Variants in PCDHGB2 observed in about 807,000 individuals in gnomAD.
PCDHGB2 encodes protocadherin gamma subfamily B, 2.
PCDHGB2 carries 55 observed loss-of-function variants against 59.3 expected under a neutral mutation model. The observed-to-expected ratio is 0.93, with a 90% CI of 0.75 to 1.16. The LOEUF (loss-of-function observed/expected upper bound fraction) is 1.16, where lower values mean the gene tolerates loss of function less well. PCDHGB2 is among the 50% of genes most tolerant of loss of function. The probability of loss-of-function intolerance (pLI) is 0.00; values close to 1 mark genes in which losing one functional copy is unlikely to be tolerated. For missense variants in PCDHGB2, 1,228 were observed against 1,198.5 expected (o/e 1.02, Z -0.36); for synonymous variants, 516 against 512.0 (o/e 1.01, Z -0.11).
At chr5:141,428,010 G>A in intron 1 of PCDHGB2, 1 of 1,603,006 alleles carries the variant, frequency 6.2e-7, no homozygotes, top group Non-Finnish European at 8.5e-7. Flanking sequence ...CTTCGATATA[G>A]TGCCACGCGC....
rs368168278 is a variant in PCDHGB2, at chr5:141,419,810, C to T, written c.2421+57254C>T. On this transcript the variant is annotated intron_variant, in intron 1 of 3. Coordinates refer to ENST00000522605, the MANE Select transcript of PCDHGB2 (RefSeq NM_018923.3). ...GCTAGTCGCTGTAAGAGATGGAGGA[C>T]AGCCACCCCTTTCAGCCACTGCCAC... The T allele has an allele frequency of 3.1e-6, 5 of 1,613,946 alleles. No individual in the cohort carries two copies. The Admixed American group carries it at 8.3e-5, about 27-fold the overall frequency.
At chr5:141,462,271 G>C (rs2099036316) in intron 1 of PCDHGB2, among the ~76,000 whole-genome samples, 1 of 152,174 alleles carries the variant, frequency 6.6e-6, no homozygotes, top group African/African-American at 2.4e-5. Context: ...AAAGTGTATT[G>C]TTTAGTCACC....
chr5:141,388,698 G>T (rs752631718), intron 1 of PCDHGB2: 2 of 1,613,886 alleles, frequency 1.2e-6, no homozygotes, highest in Admixed American at 1.7e-5. Context: ...CCAGGATGAG[G>T]GTGTCAATGC....
At chr5:141,366,150 G>A in intron 1 of PCDHGB2, 2 of 1,614,136 alleles carry the variant, frequency 1.2e-6, no homozygotes, top group Non-Finnish European at 1.7e-6. Flanking sequence ...CTGTCCTACC[G>A]CCTGCTTAAG....
intron 2 of PCDHGB2, among the ~76,000 whole-genome samples, chr5:141,501,365 A>G (rs1360125423): frequency 1.3e-5 from 2 of 151,500 alleles, no homozygotes; most frequent in Admixed American, 6.6e-5. Flanking sequence ...AACCATATTC[A>G]TCATCTCTTA....
rs2095194600 is a variant in PCDHGB2 at position 141,408,919 on chromosome 5, C to T, written c.2421+46363C>T. On this transcript the variant is annotated intron_variant, in intron 1 of 3. Transcript: ENST00000522605. The stretch of plus-strand genomic sequence containing the variant: ...CTGTCAAGGATACCAATGATAACCC[C>T]CCGGTTTTCAGCAGAGACGAATATA... 2.5e-6 allele frequency: 4 copies of T among 1,613,346 alleles called. No individual in the cohort carries two copies. The African/African-American group carries it at 4.0e-5, about 16-fold the overall frequency.
intron 1 of PCDHGB2, chr5:141,367,506 C>T (rs957460627): frequency 2.0e-4 from 30 of 151,946 alleles, no homozygotes; most frequent in African/African-American, 7.0e-4. Flanking sequence ...CACTGCACTC[C>T]AGCCTGGGAG....
rs568542355 is a variant in PCDHGB2, at chr5:141,431,678, T to C, written c.2422-63129T>C. 4 of 1,614,084 alleles carry C rather than the reference T, an allele frequency of 2.5e-6. No individual in the cohort carries two copies. Among genetic ancestry groups the C allele is most frequent in the African/African-American group, 2.7e-5 (2 of 75,012 alleles). ...AGGGACAATATCAACAATAGGGGAG[T>C]TGGACCACGAGGAGTCAGGATTCTA... On this transcript the variant is annotated intron_variant, in intron 1 of 3. Transcript: ENST00000522605. The surrounding 1 kb of genome is among the most constrained non-coding windows in gnomAD (Gnocchi z 4.8).
chr5:141,418,928 A>G, intron 1 of PCDHGB2: 1 of 1,613,978 alleles, frequency 6.2e-7, no homozygotes, highest in Non-Finnish European at 8.5e-7. Context: ...TGATCAGATT[A>G]TGGAGGATTC....
rs2099413641 is a variant in PCDHGB2, at chr5:141,477,586, T to C, written c.2422-17221T>C. The C allele has an allele frequency of 1.9e-6, 3 of 1,614,022 alleles. No individual in the cohort carries two copies. The highest frequency in any genetic ancestry group is 2.5e-6 in the Non-Finnish European group (3 of 1,180,036). On this transcript the variant is annotated intron_variant, in intron 1 of 3. Transcript: ENST00000522605. This position sits in a 1 kb window ranked among gnomAD's most constrained non-coding sequence, Gnocchi z 4.9. ...GGGACCCCGACGCCCCGCAGAATGC[T>C]CGGCTTTCTTTCTTTCTCTTGGAGC... is the stretch of plus-strand genomic sequence containing the variant.
At position 141,472,488 on chromosome 5, in the gene PCDHGB2, C is replaced by T. The variant is rs183545662; in HGVS notation, c.2422-22319C>T. 4.0e-3 allele frequency among the ~76,000 whole-genome samples: 607 copies of T among 151,768 alleles called. 6 individuals carry two copies. The highest frequency in any genetic ancestry group is 0.011 in the Admixed American group (174 of 15,254). On this transcript the variant is annotated intron_variant, in intron 1 of 3. Coordinates refer to ENST00000522605, the MANE Select transcript of PCDHGB2 (RefSeq NM_018923.3). Reference sequence around the variant, plus strand: ...CCAGAAGGCAGAGCTTGCAGTGAGACGAGATCGTGCCACTGCACTCCAGCC... The same window carrying T: ...CCAGAAGGCAGAGCTTGCAGTGAGATGAGATCGTGCCACTGCACTCCAGCC...
chr5:141,394,809 G>C (rs1346374248), intron 1 of PCDHGB2: 1 of 1,613,892 alleles, frequency 6.2e-7, no homozygotes, highest in Non-Finnish European at 8.5e-7. Flanking sequence ...AGCCGTGGCT[G>C]ACAGCATCCC....
rs543209695 is a variant in PCDHGB2, at chr5:141,431,563, C to A, written c.2422-63244C>A. The stretch of plus-strand genomic sequence containing the variant: ...AGCTGCTTGTAGTCAACGCTACCGA[C>A]CCTGACGAAGGAGTCAATGCGGAAG... On this transcript the variant is annotated intron_variant, in intron 1 of 3. Coordinates refer to ENST00000522605, the MANE Select transcript of PCDHGB2 (RefSeq NM_018923.3). The surrounding 1 kb of genome is among the most constrained non-coding windows in gnomAD (Gnocchi z 4.8). 1.2e-6 allele frequency: 2 copies of A among 1,614,144 alleles called. No individual in the cohort carries two copies. The highest frequency in any genetic ancestry group is 2.7e-5 in the African/African-American group (2 of 75,072).
chr5:141,486,940 A>T lies in PCDHGB2; in HGVS notation c.2422-7867A>T. ...CTCCATCAGTTGGTGCTGGCCACCTAATCACAAAGGTGACTGCTGTGGACT... is the reference window on the plus strand; with the variant it reads ...CTCCATCAGTTGGTGCTGGCCACCTTATCACAAAGGTGACTGCTGTGGACT... On this transcript the variant is annotated intron_variant, in intron 1 of 3. Coordinates refer to ENST00000522605, the MANE Select transcript of PCDHGB2 (RefSeq NM_018923.3). This position sits in a 1 kb window ranked among gnomAD's most constrained non-coding sequence, Gnocchi z 5.0. 6.2e-7 allele frequency: 1 copy of T among 1,614,188 alleles called. No homozygotes were observed. Among genetic ancestry groups the T allele is most frequent in the Non-Finnish European group, 8.5e-7 (1 of 1,180,032 alleles).
At chr5:141,374,511 T>A in intron 1 of PCDHGB2, 2 of 1,611,912 alleles carry the variant, frequency 1.2e-6, no homozygotes, top group Non-Finnish European at 8.5e-7. Flanking sequence ...GTGAAAATTC[T>A]CGAAAACGCA....
intron 1 of PCDHGB2, among the ~76,000 whole-genome samples, chr5:141,453,061 T>G (rs1351911724): frequency 6.6e-6 from 1 of 152,102 alleles, no homozygotes; most frequent in Non-Finnish European, 1.5e-5. Context: ...AGTTTTAGAG[T>G]TTTGCCACAC....
chr5:141,433,367 C>CTATA, intron 1 of PCDHGB2: 2 of 549,818 alleles, frequency 3.6e-6, no homozygotes, highest in South Asian at 4.5e-5. Flanking sequence ...GCCTATCTAT[C>CTATA]TATCTATCTA....
chr5:141,418,107 A>C, intron 1 of PCDHGB2: 1 of 1,614,036 alleles, frequency 6.2e-7, no homozygotes, highest in Non-Finnish European at 8.5e-7. Flanking sequence ...CAGAGCGGGG[A>C]CTTACTTGTG....
At chr5:141,427,188 A>G (rs1346514063) in intron 1 of PCDHGB2, 1 of 456,744 alleles carries the variant, frequency 2.2e-6, no homozygotes, top group Admixed American at 2.3e-5. Flanking sequence ...AATTAAATCC[A>G]AAGACTTAAT....
Sources: gnomAD v4.1 joint callset for allele counts (sites outside exome capture counted in the v4.1 genomes callset) on GRCh38, gnomAD v4.1.1 for gene constraint, Gnocchi (gnomAD v3.1) non-coding constraint, MANE v1.5 for transcripts, NCBI Gene and HGNC (gene_info 2026-07-23, HGNC 2026-07-21) for gene names.